The following CCDC144A variants were observed in gnomAD, a reference collection of about 807,000 sequenced individuals.
The protein encoded by CCDC144A is coiled-coil domain-containing protein 144A.
In CCDC144A, 41 loss-of-function variants were observed where a neutral mutation model predicts 143.8. The ratio of observed to expected loss-of-function variants is 0.29; its 90% CI spans 0.22 to 0.37. The LOEUF (loss-of-function observed/expected upper bound fraction) is 0.37. Among genes scored for constraint, CCDC144A ranks in the 10% least tolerant of loss-of-function variants. The pLI, the probability that CCDC144A is intolerant of heterozygous loss-of-function variation, is 1.00. For missense variants in CCDC144A, 637 were observed against 1,488.8 expected, an observed-to-expected ratio of 0.43 and a Z score of 9.41; for synonymous variants, 242 against 517.9, an observed-to-expected ratio of 0.47 and a Z score of 7.23.
At chr17:16,721,244 T>C (rs1223294015) in intron 8 of CCDC144A, among the ~76,000 whole-genome samples, 2 of 152,098 alleles carry the variant, frequency 1.3e-5, no homozygotes, top group African/African-American at 4.8e-5. Context: ...AAATATACAA[T>C]CGTGTGCACA....
At chr17:16,687,777 C>T (rs1910835568), upstream of CCDC144A, among the ~76,000 whole-genome samples, 1 of 152,150 alleles carries the variant, frequency 6.6e-6, no homozygotes, top group Admixed American at 6.5e-5. Flanking sequence ...CATAACCTCA[C>T]AGCCTTTTTA....
chr17:16,757,921 G>A (rs1402138284), intron 12 of CCDC144A, among the ~76,000 whole-genome samples: 2 of 152,152 alleles, frequency 1.3e-5, no homozygotes, highest in African/African-American at 4.8e-5. Flanking sequence ...AGATGATCCT[G>A]GTTGGGCTGG....
chr17:16,682,266 T>C, the CCDC144A span, among the ~76,000 whole-genome samples: 247 of 148,748 alleles, frequency 1.7e-3, 1 homozygote, highest in African/African-American at 5.8e-3. Context: ...AGAGAGAGAA[T>C]GAGAACCAGA....
At chr17:16,722,994 G>A (rs186831711) in intron 8 of CCDC144A, among the ~76,000 whole-genome samples, 1 of 152,090 alleles carries the variant, frequency 6.6e-6, no homozygotes, top group African/African-American at 2.4e-5. Context: ...TCAGACTTTG[G>A]TTCAGGGTAA....
In CCDC144A at chr17:16,709,292, G is replaced by A. The variant is rs1219820893; in HGVS notation, c.1235G>A (p.Gly412Glu). 6.2e-7 allele frequency: 1 copy of A among 1,611,592 alleles called. No homozygotes were observed. The highest frequency in any genetic ancestry group is 8.5e-7 in the Non-Finnish European group (1 of 1,179,632). The change falls in exon 5 of 17, where the codon GGA becomes GAA. Residue 412 changes from glycine (G) to glutamate (E), a missense_variant. Physicochemically the swap from Gly to Glu is moderately conservative, Grantham distance 98. Coordinates refer to ENST00000399273, the MANE Select transcript of CCDC144A (RefSeq NM_001382000.1). Reference protein sequence around the residue: ...DCDNDNKPGIGHIFSTDKNFH... With the variant: ...DCDNDNKPGIEHIFSTDKNFH... The stretch of plus-strand genomic sequence containing the variant: ...GACAATGATAACAAACCAGGCATTG[G>A]ACATATTTTTAGTACAGATAAGAAC...
upstream of CCDC144A, among the ~76,000 whole-genome samples, chr17:16,686,091 GTTT>G (rs67135656): frequency 2.6e-5 from 3 of 114,722 alleles, no homozygotes; most frequent in Non-Finnish European, 3.6e-5. Flanking sequence ...TGTTTTTTTT[GTTT>G]TTTTTTTTTT....
chr17:16,691,063 A>C (rs1016720169), intron 1 of CCDC144A, among the ~76,000 whole-genome samples: 1 of 152,116 alleles, frequency 6.6e-6, no homozygotes, highest in Non-Finnish European at 1.5e-5. Context: ...TAAGAACTTC[A>C]TGTTGGCCGA....
chr17:16,730,107 G>A (rs1239813931), intron 9 of CCDC144A, among the ~76,000 whole-genome samples: 3 of 130,494 alleles, frequency 2.3e-5, no homozygotes, highest in South Asian at 2.6e-4. Context: ...CCAAAGTACC[G>A]GGATTACAGA....
At chr17:16,723,365 A>G (rs1913204226) in intron 8 of CCDC144A, among the ~76,000 whole-genome samples, 1 of 151,822 alleles carries the variant, frequency 6.6e-6, no homozygotes, top group African/African-American at 2.4e-5. Context: ...GAAATTAGTA[A>G]TTTGCATCTT....
At chr17:16,761,085 T>G (rs866155926) in intron 12 of CCDC144A, among the ~76,000 whole-genome samples, 10 of 151,246 alleles carry the variant, frequency 6.6e-5, no homozygotes, top group South Asian at 2.1e-4. Context: ...CTCAGCACTT[T>G]GGGAGGCCGA....
intron 3 of CCDC144A, chr17:16,705,938 C>T (rs1308055595): frequency 6.2e-6 from 1 of 160,242 alleles, no homozygotes; most frequent in Admixed American, 5.8e-5. Context: ...AAAAAACTAG[C>T]TGGGCATGGT....
At chr17:16,762,952 G>A (rs1597593321) in intron 14 of CCDC144A, among the ~76,000 whole-genome samples, 2 of 144,882 alleles carry the variant, frequency 1.4e-5, no homozygotes, top group African/African-American at 2.8e-5. Flanking sequence ...TCTGGAAGAC[G>A]ACAGCTGAAA....
intron 9 of CCDC144A, among the ~76,000 whole-genome samples, chr17:16,729,078 A>G (rs920490969): frequency 1.1e-4 from 16 of 152,136 alleles, no homozygotes; most frequent in African/African-American, 3.1e-4. Context: ...TTTTGATATA[A>G]TGATTTCTTT....
chr17:16,750,809 T>G (rs1003987724), intron 12 of CCDC144A, among the ~76,000 whole-genome samples: 1 of 152,116 alleles, frequency 6.6e-6, no homozygotes, highest in Non-Finnish European at 1.5e-5. Flanking sequence ...TCTGTAATCC[T>G]TCCCTCCGCT....
At chr17:16,734,010 G>C (rs982805902) in intron 11 of CCDC144A, among the ~76,000 whole-genome samples, 2 of 151,984 alleles carry the variant, frequency 1.3e-5, no homozygotes, top group Admixed American at 6.6e-5. Flanking sequence ...GTGTGGGGGT[G>C]TGTGCCTCTA....
chr17:16,698,198 G>A (rs1911529111), intron 2 of CCDC144A, among the ~76,000 whole-genome samples: 2 of 152,138 alleles, frequency 1.3e-5, no homozygotes, highest in Admixed American at 1.3e-4. Context: ...GGGCATATCA[G>A]CATTTCCCAG....
chr17:16,686,091 G>GTTT (rs67135656), upstream of CCDC144A, among the ~76,000 whole-genome samples: 28 of 114,718 alleles, frequency 2.4e-4, no homozygotes, highest in Non-Finnish European at 4.4e-4. Flanking sequence ...TGTTTTTTTT[G>GTTT]TTTTTTTTTT....
chr17:16,733,110 G>A (rs1433207408), intron 11 of CCDC144A, among the ~76,000 whole-genome samples: 3 of 151,812 alleles, frequency 2.0e-5, no homozygotes, highest in Non-Finnish European at 2.9e-5. Flanking sequence ...TTCAGATGCC[G>A]TTTCCCTTAC....
At chr17:16,733,710 A>G (rs1567599070) in intron 11 of CCDC144A, among the ~76,000 whole-genome samples, 1 of 151,674 alleles carries the variant, frequency 6.6e-6, no homozygotes, top group Non-Finnish European at 1.5e-5. Context: ...TACACAACAC[A>G]GAAGTAATTG....
Sources: gnomAD v4.1 joint callset for allele counts (sites outside exome capture counted in the v4.1 genomes callset) on GRCh38, gnomAD v4.1.1 for gene constraint, MANE v1.5 for transcripts, NCBI Gene and HGNC (gene_info 2026-07-23, HGNC 2026-07-21) for gene names.